LPIN1: variants seen among roughly 807,000 people sequenced by gnomAD.
LPIN1 encodes lipin 1, also known as phosphatidate phosphatase LPIN1.
Under a neutral mutation model 107.5 loss-of-function variants are expected in LPIN1, and 71 were observed. The ratio of observed to expected loss-of-function variants is 0.66; its 90% CI spans 0.55 to 0.80. The LOEUF is 0.80. LPIN1 is among the 30% of genes least tolerant of loss of function. LPIN1 has a pLI of 0.00. For missense variants in LPIN1, 1,043 were observed against 1,160.6 expected (o/e 0.90, Z 1.47); for synonymous variants, 445 against 452.6 (o/e 0.98, Z 0.21).
intron 1 of LPIN1, among the ~76,000 whole-genome samples, chr2:11,750,256 A>G (rs1667590522): frequency 1.3e-5 from 2 of 152,206 alleles, no homozygotes; most frequent in African/African-American, 4.8e-5. Context: ...TTTTAGGATA[A>G]TGGGCACCAG....
intron 12 of LPIN1, among the ~76,000 whole-genome samples, chr2:11,789,563 C>CGTGTGTGTGTGCGT (rs201454750): frequency 6.8e-6 from 1 of 147,186 alleles, no homozygotes; most frequent in South Asian, 2.2e-4. Context: ...TGGATGTGCA[C>CGTGTGTGTGTGCGT]GTGTGTGTGT....
In LPIN1 at chr2:11,810,369, A is replaced by G. The variant is rs143140106; in HGVS notation, c.2250-4719A>G. The stretch of plus-strand genomic sequence containing the variant: ...TTCAAAGGAGAGGAAAGCTCACCAC[A>G]GGTGGAAGTAGGAGCGAGAGGGGAG... On this transcript the variant is annotated intron_variant, in intron 17 of 20. Coordinates refer to ENST00000674199, the MANE Select transcript of LPIN1 (RefSeq NM_001349206.2). 2.6e-4 allele frequency among the ~76,000 whole-genome samples: 39 copies of G among 150,450 alleles called. No individual in the cohort carries two copies. The East Asian group carries it at 7.3e-3, about 28-fold the overall frequency.
At chr2:11,797,719 A>T (rs1676977577) in intron 14 of LPIN1, among the ~76,000 whole-genome samples, 1 of 152,140 alleles carries the variant, frequency 6.6e-6, no homozygotes, top group African/African-American at 2.4e-5. Flanking sequence ...CTTGCTTTTG[A>T]TTTTACTGGC....
chr2:11,798,789 AG>A (rs575376270), intron 14 of LPIN1, among the ~76,000 whole-genome samples: 212 of 151,842 alleles, frequency 1.4e-3, no homozygotes, highest in Middle Eastern at 3.4e-3. Context: ...AAAAAAAAAA[AG>A]GTGTCAGAAT....
intron 1 of LPIN1, among the ~76,000 whole-genome samples, chr2:11,688,656 T>C (rs1269105817): frequency 1.3e-5 from 2 of 152,176 alleles, no homozygotes; most frequent in Non-Finnish European, 2.9e-5. Context: ...TCAGGGCCCC[T>C]CGCCACAGGG....
At position 11,697,442 on chromosome 2, in the gene LPIN1, G is replaced by A. The variant is rs929559045; in HGVS notation, c.82-16314G>A. Among the ~76,000 whole-genome samples the A allele has an allele frequency of 2.6e-5, 4 of 152,236 alleles. No homozygotes were observed. The highest frequency in any genetic ancestry group is 7.2e-5 in the African/African-American group (3 of 41,472). ...CCACTGTGGGGCTGCACCAGGAGCT[G>A]TGCTCGGCTCCTGCTTCTCCCTGGT... On this transcript the variant is annotated intron_variant, in intron 1 of 21. Coordinates refer to the LPIN1 transcript ENST00000449576. This position sits in a 1 kb window ranked among gnomAD's most constrained non-coding sequence, Gnocchi z 4.6.
chr2:11,744,255 C>T (rs1429953996), upstream of LPIN1, among the ~76,000 whole-genome samples: 2 of 152,226 alleles, frequency 1.3e-5, no homozygotes, highest in African/African-American at 4.8e-5. Context: ...CCTCAGCTCT[C>T]CTGGCTGAGT....
rs1341740330 is a variant in LPIN1, at chr2:11,751,856, CA to C, written c.-10+5189del. Reference sequence around the variant, plus strand: ...AACACAGCGAAACTCCGTCTCAAAACAAAACAAAACAAACAAACAAAAAACC... The same window carrying C: ...AACACAGCGAAACTCCGTCTCAAAACAAACAAAACAAACAAACAAAAAACC... On this transcript the variant is annotated intron_variant, in intron 1 of 20. Transcript: ENST00000674199. Among the ~76,000 whole-genome samples, 3 of 152,068 alleles carry C rather than the reference CA, an allele frequency of 2.0e-5. No homozygotes were observed. The South Asian group carries it at 6.3e-4, about 32-fold the overall frequency.
intron 1 of LPIN1, among the ~76,000 whole-genome samples, chr2:11,750,954 C>T (rs1216838023): frequency 1.3e-5 from 2 of 152,254 alleles, no homozygotes; most frequent in Non-Finnish European, 2.9e-5. Context: ...CTTGAAAGTG[C>T]GTAGAGAGAA....
chr2:11,717,222 T>C (rs1663806710), intron 2 of LPIN1, among the ~76,000 whole-genome samples: 1 of 152,230 alleles, frequency 6.6e-6, no homozygotes, highest in East Asian at 1.9e-4. Flanking sequence ...ACCCAGTTAA[T>C]TGATGCGTCT....
At chr2:11,724,224 T>C, upstream of LPIN1, 1 of 581,270 alleles carries the variant, frequency 1.7e-6, no homozygotes, top group Non-Finnish European at 2.2e-6. Context: ...CTCACTCCTC[T>C]TCATCTCTTT....
Position 11,746,654 on chromosome 2 carries a change from C to G in LPIN1, c.-27C>G. ...TGGGTGTTTGCAATACAAAGGCGGCCACGCGCGGCGCCGCTCGGTGAGTAG... is the reference window on the plus strand; with the variant it reads ...TGGGTGTTTGCAATACAAAGGCGGCGACGCGCGGCGCCGCTCGGTGAGTAG... On this transcript the variant is annotated 5_prime_UTR_variant, in exon 1 of 21. Transcript: ENST00000674199. 1.0e-6 allele frequency: 1 copy of G among 985,276 alleles called. No homozygotes were observed. Among genetic ancestry groups the G allele is most frequent in the Non-Finnish European group, 1.2e-6 (1 of 829,844 alleles). 61.0% of individuals were successfully genotyped at this position (985,276 alleles called of 1,614,324 possible).
At chr2:11,688,724 A>G (rs1452291099) in intron 1 of LPIN1, among the ~76,000 whole-genome samples, 1 of 152,218 alleles carries the variant, frequency 6.6e-6, no homozygotes, top group Admixed American at 6.5e-5. Flanking sequence ...CGATAATAAG[A>G]GAGTTTTGTT....
At chr2:11,696,088 A>T (rs1443426657) in intron 1 of LPIN1, among the ~76,000 whole-genome samples, 1 of 133,670 alleles carries the variant, frequency 7.5e-6, no homozygotes, top group Admixed American at 8.1e-5. Flanking sequence ...AAGTTCCAGG[A>T]TCCATGCGGA....
chr2:11,815,592 T>C (rs1024826223), intron 18 of LPIN1, among the ~76,000 whole-genome samples: 1 of 151,928 alleles, frequency 6.6e-6, no homozygotes, highest in Non-Finnish European at 1.5e-5. Context: ...TTTGGGTCAC[T>C]CTCCTGCTCC....
At chr2:11,749,409 C>T (rs950794924) in intron 1 of LPIN1, among the ~76,000 whole-genome samples, 2 of 152,162 alleles carry the variant, frequency 1.3e-5, no homozygotes, top group African/African-American at 2.4e-5. Flanking sequence ...TGCTGGGGTC[C>T]GAAGCAAGTG....
In LPIN1 at chr2:11,803,856, T is replaced by C. The variant is rs1257266809; in HGVS notation, c.2014-567T>C. Among the ~76,000 whole-genome samples, 1 of 152,230 alleles carries C rather than the reference T, an allele frequency of 6.6e-6. No homozygotes were observed. The highest frequency in any genetic ancestry group is 1.9e-4 in the East Asian group (1 of 5,200). ...AACTGCTCAAAAGTCACTTTGTATT[T>C]TGAATTTGGTGTGATTTCTTTGGGT... is the stretch of plus-strand genomic sequence containing the variant. On this transcript the variant is annotated intron_variant, in intron 15 of 20. Coordinates refer to ENST00000674199, the MANE Select transcript of LPIN1 (RefSeq NM_001349206.2). This position sits in a 1 kb window ranked among gnomAD's most constrained non-coding sequence, Gnocchi z 4.2.
rs1044414744 is a variant in LPIN1, at chr2:11,705,757, G to C, written c.82-7999G>C. On this transcript the variant is annotated intron_variant, in intron 1 of 21. Transcript: ENST00000449576. ...GGTGAAAACTGTTCACCAAGTTCAGGAGGGTTTAGAAAATTGCATGCTTTT... is the reference window on the plus strand; with the variant it reads ...GGTGAAAACTGTTCACCAAGTTCAGCAGGGTTTAGAAAATTGCATGCTTTT... Among the ~76,000 whole-genome samples the C allele has an allele frequency of 1.1e-3, 167 of 152,340 alleles. 1 individual carries two copies. Among genetic ancestry groups the C allele is most frequent in the African/African-American group, 3.9e-3 (162 of 41,576 alleles).
At position 11,782,449 on chromosome 2, in the gene LPIN1, C is replaced by T; in HGVS notation, c.1206C>T (p.Pro402=). ...TGCCCATGATCGAGGAGCTCAAACCCCCCTCTGCCAGTGTAGTCCAGACAG... is the reference window on the plus strand; with the variant it reads ...TGCCCATGATCGAGGAGCTCAAACCTCCCTCTGCCAGTGTAGTCCAGACAG... ...PLLPMIEELK[P]PSASVVQTAN... is the part of the protein sequence containing the mutation. Residue 402 remains proline (P), a synonymous_variant, in exon 8 of 21, where the codon CCC becomes CCT. Transcript: ENST00000674199. The T allele has an allele frequency of 3.1e-6, 5 of 1,614,176 alleles. No homozygotes were observed. Among genetic ancestry groups the T allele is most frequent in the Non-Finnish European group, 4.2e-6 (5 of 1,180,032 alleles).
Sources: gnomAD v4.1 joint callset for allele counts (sites outside exome capture counted in the v4.1 genomes callset) on GRCh38, gnomAD v4.1.1 for gene constraint, Gnocchi (gnomAD v3.1) non-coding constraint, MANE v1.5 for transcripts, NCBI Gene and HGNC (gene_info 2026-07-23, HGNC 2026-07-21) for gene names.